Variants in RC3H2 observed in about 807,000 individuals in gnomAD.
RC3H2 encodes roquin-2.
RC3H2 carries 31 observed loss-of-function variants against 133.3 expected under a neutral mutation model. The ratio of observed to expected loss-of-function variants is 0.23; its 90% CI spans 0.17 to 0.31. The LOEUF (loss-of-function observed/expected upper bound fraction) is 0.31. Among genes scored for constraint, RC3H2 ranks in the 10% least tolerant of loss-of-function variants. The pLI, the probability that RC3H2 is intolerant of heterozygous loss-of-function variation, is 1.00. For synonymous variants in RC3H2, 517 were observed against 502.2 expected (o/e 1.03, Z -0.40); for missense variants, 1,175 against 1,437.2 (o/e 0.82, Z 2.95).
At chr9:122,890,261 T>A (rs1296760884) in intron 4 of RC3H2, 51 bp downstream of exon 4, 20 of 1,439,892 alleles carry the variant, frequency 1.4e-5, no homozygotes, top group Non-Finnish European at 1.8e-5. Context: ...GAAATTGGCA[T>A]CCTCAAGCCC....
At chr9:122,883,733 G>A (rs551168058) in intron 4 of RC3H2, among the ~76,000 whole-genome samples, 2 of 152,200 alleles carry the variant, frequency 1.3e-5, no homozygotes, top group East Asian at 3.9e-4. Context: ...GTAAATCCCA[G>A]CACGTTGAGA....
chr9:122,886,116 C>T (rs1831900677), intron 4 of RC3H2, among the ~76,000 whole-genome samples: 2 of 152,160 alleles, frequency 1.3e-5, no homozygotes, highest in South Asian at 2.1e-4. Context: ...TCTCAAACTC[C>T]TGACCTCAAG....
Position 122,880,657 on chromosome 9 carries a change from C to T in RC3H2, c.897G>A (p.Gln299=). ...AATCACCATACAAAAGAGAGGACCA[C>T]TGTTCAGGTGAAATACGGAGTCCTG... The part of the protein sequence containing the change: ...MEAGLRISPE[Q]WSSLLYGDLA... Residue 299 remains glutamine (Q), a synonymous_variant, in exon 6 of 21, where the codon CAG becomes CAA. Coordinates refer to ENST00000357244, the MANE Select transcript of RC3H2 (RefSeq NM_001100588.3). 6.2e-7 allele frequency: 1 copy of T among 1,614,166 alleles called. No individual in the cohort carries two copies.
At position 122,877,578 on chromosome 9, in the gene RC3H2, C is replaced by T. The variant is rs1358465586; in HGVS notation, c.1218G>A (p.Gln406=). Residue 406 remains glutamine, a synonymous_variant, in exon 9 of 21, where the codon CAG becomes CAA. Transcript: ENST00000357244. ...TGCTAGTCTTGTATTTGCTGTTTGG[C>T]TGAGGCTACAAAAATGGGAACACAT... The part of the protein sequence containing the change: ...SRKGHETPQP[Q]PNSKYKTSMC... 6.2e-7 allele frequency: 1 copy of T among 1,613,586 alleles called. No individual in the cohort carries two copies. Among genetic ancestry groups the T allele is most frequent in the Non-Finnish European group, 8.5e-7 (1 of 1,179,750 alleles).
In RC3H2 at chr9:122,849,842, A is replaced by G; in HGVS notation, c.3381-20T>C. On this transcript the variant is annotated intron_variant, in intron 20 of 20. Coordinates refer to ENST00000357244, the MANE Select transcript of RC3H2 (RefSeq NM_001100588.3). ...TCCTCCCTGAGAAAAAAGAAATGAC[A>G]TTAAAAACAAATTAGCTTTAAGTGC... 6.5e-7 allele frequency: 1 copy of G among 1,531,216 alleles called. No individual in the cohort carries two copies. The highest frequency in any genetic ancestry group is 1.3e-5 in the South Asian group (1 of 78,924). The allele number at this position is 1,531,216 out of a possible 1,614,324, so 94.9% of individuals were successfully genotyped here.
At chr9:122,899,963 A>G (rs1398186163) in intron 1 of RC3H2, among the ~76,000 whole-genome samples, 2 of 152,220 alleles carry the variant, frequency 1.3e-5, no homozygotes, top group African/African-American at 2.4e-5. Flanking sequence ...AATGCTTTAT[A>G]TTAAAGCACA....
chr9:122,865,429 C>T lies in RC3H2; in HGVS notation c.1554G>A (p.Leu518=). The T allele has an allele frequency of 6.2e-7, 1 of 1,614,196 alleles. No individual in the cohort carries two copies. Among genetic ancestry groups the T allele is most frequent in the South Asian group, 1.1e-5 (1 of 91,080 alleles). Residue 518 remains leucine (L), a synonymous_variant, in exon 10 of 21, where the codon CTG becomes CTA. Transcript: ENST00000357244. ...SRSTDSTLRA[L]ETVKKVGKVG... ...CCTTTCCCACTTTCTTCACGGTCTC[C>T]AGAGCTCTTAAGGTACTGTCAGTAC...
chr9:122,853,392 A>AAG (rs998371339), intron 18 of RC3H2, among the ~76,000 whole-genome samples: 9 of 151,320 alleles, frequency 5.9e-5, no homozygotes, highest in Non-Finnish European at 8.8e-5. Context: ...AAAAAAAAAA[A>AAG]AAAAAGAAAA....
intron 16 of RC3H2, 82 bp downstream of exon 16, chr9:122,854,449 T>C: frequency 8.2e-7 from 1 of 1,220,564 alleles, no homozygotes; most frequent in Non-Finnish European, 1.2e-6. Flanking sequence ...GCACATTTCA[T>C]GAACTGGGGG....
intron 4 of RC3H2, among the ~76,000 whole-genome samples, chr9:122,886,918 A>G (rs1446324807): frequency 1.3e-5 from 2 of 152,230 alleles, no homozygotes; most frequent in Non-Finnish European, 1.5e-5. Flanking sequence ...CACCTAGTCT[A>G]GTGCTTCTTA....
chr9:122,871,109 T>C (rs753824017), intron 9 of RC3H2, among the ~76,000 whole-genome samples: 2 of 152,144 alleles, frequency 1.3e-5, no homozygotes, highest in Non-Finnish European at 2.9e-5. Context: ...CCAATTCCAG[T>C]AACCTTCCTG....
At position 122,880,577 on chromosome 9, in the gene RC3H2, T is replaced by A. The variant is rs772990427; in HGVS notation, c.960+17A>T. 1.9e-6 allele frequency: 3 copies of A among 1,582,294 alleles called. No homozygotes were observed. The highest frequency in any genetic ancestry group is 3.3e-5 in the Admixed American group (2 of 59,980). Reference sequence around the variant, plus strand: ...TAACAGCAATGATAGAACATCAGCATCTCTAATTTCACAAACCTTATCAAT... The same window carrying A: ...TAACAGCAATGATAGAACATCAGCAACTCTAATTTCACAAACCTTATCAAT... On this transcript the variant is annotated intron_variant, in intron 6 of 20. Coordinates refer to ENST00000357244, the MANE Select transcript of RC3H2 (RefSeq NM_001100588.3).
chr9:122,870,315 C>T (rs1432408537), intron 9 of RC3H2, among the ~76,000 whole-genome samples: 1 of 151,388 alleles, frequency 6.6e-6, no homozygotes, highest in African/African-American at 2.4e-5. Flanking sequence ...ACAGAGGTTG[C>T]AGTGAGCCGA....
intron 2 of RC3H2, 53 bp downstream of exon 2, chr9:122,897,226 C>A: frequency 1.3e-6 from 2 of 1,558,548 alleles, no homozygotes; most frequent in Non-Finnish European, 1.8e-6. Flanking sequence ...AAAATAATGG[C>A]AAAAATAGTG....
rs777212599 is a variant in RC3H2, at chr9:122,851,037, A to G, written c.3380+44T>C. On this transcript the variant is annotated intron_variant, in intron 20 of 20. Coordinates refer to ENST00000357244, the MANE Select transcript of RC3H2 (RefSeq NM_001100588.3). ...AATTTCGCATTTTTTTCTCTTTATT[A>G]TGTCCTATGCCCACTGTTTATGAAT... 4.4e-6 allele frequency: 7 copies of G among 1,600,128 alleles called. No homozygotes were observed. In the Admixed American group the frequency reaches 5.2e-5, roughly 12 times the overall value.
intron 13 of RC3H2, among the ~76,000 whole-genome samples, chr9:122,856,440 A>G (rs1487723540): frequency 6.6e-6 from 1 of 152,174 alleles, no homozygotes; most frequent in Non-Finnish European, 1.5e-5. Flanking sequence ...TTTTTAGTAG[A>G]GATGAAGTTT....
chr9:122,887,741 CTT>C (rs112010654), intron 4 of RC3H2, among the ~76,000 whole-genome samples: 167 of 118,056 alleles, frequency 1.4e-3, no homozygotes, highest in Middle Eastern at 8.5e-3. Flanking sequence ...ATACTTGTAT[CTT>C]TTTTTTTTTT....
intron 2 of RC3H2, among the ~76,000 whole-genome samples, chr9:122,895,082 CAACT>C (rs772618734): frequency 4.0e-5 from 6 of 151,664 alleles, no homozygotes; most frequent in South Asian, 4.2e-4. Context: ...ATTTAAGAAC[CAACT>C]GAGATAACAT....
chr9:122,852,941 G>T (rs891670470), intron 18 of RC3H2, among the ~76,000 whole-genome samples: 1 of 152,214 alleles, frequency 6.6e-6, no homozygotes, highest in Admixed American at 6.5e-5. Flanking sequence ...GAATAGAAAG[G>T]GGGGAAAGGT....
Sources: gnomAD v4.1 joint callset for allele counts (sites outside exome capture counted in the v4.1 genomes callset) on GRCh38, gnomAD v4.1.1 for gene constraint, MANE v1.5 for transcripts, NCBI Gene and HGNC (gene_info 2026-07-23, HGNC 2026-07-21) for gene names.